ASTN2: variants seen among roughly 807,000 people sequenced by gnomAD.
ASTN2 encodes the protein astrotactin 2.
Under a neutral mutation model 139.8 loss-of-function variants are expected in ASTN2, and 54 were observed. The ratio of observed to expected loss-of-function variants is 0.39; its 90% CI spans 0.31 to 0.48. ASTN2 has a LOEUF of 0.48. Among genes scored for constraint, ASTN2 ranks in the 20% least tolerant of loss-of-function variants. The probability of loss-of-function intolerance (pLI) is 0.95; values close to 1 mark genes in which losing one functional copy is unlikely to be tolerated. For synonymous variants in ASTN2, 756 were observed against 719.5 expected (o/e 1.05, Z -0.81); for missense variants, 1,565 against 1,725.1 (o/e 0.91, Z 1.64).
At chr9:116,528,400 C>A (rs544926901) in intron 19 of ASTN2, among the ~76,000 whole-genome samples, 1 of 152,130 alleles carries the variant, frequency 6.6e-6, no homozygotes, top group Non-Finnish European at 1.5e-5. Context: ...CAAGAAATGA[C>A]CTGACTTTTT....
intron 10 of ASTN2, among the ~76,000 whole-genome samples, chr9:116,877,054 C>T (rs1333391817): frequency 6.6e-6 from 1 of 152,148 alleles, no homozygotes; most frequent in South Asian, 2.1e-4. Flanking sequence ...AAATTGTAAA[C>T]CAAACCTATC....
intron 2 of ASTN2, among the ~76,000 whole-genome samples, chr9:117,242,942 C>A (rs1359431485): frequency 1.3e-5 from 2 of 152,204 alleles, no homozygotes; most frequent in African/African-American, 4.8e-5. Context: ...TTCATTTATT[C>A]ATTCATTCAA....
At chr9:117,074,627 G>T (rs563906702) in intron 5 of ASTN2, among the ~76,000 whole-genome samples, 1 of 152,304 alleles carries the variant, frequency 6.6e-6, no homozygotes, top group South Asian at 2.1e-4. Flanking sequence ...AGCAGAAGTG[G>T]CAATCGTTGG....
chr9:116,625,026 G>A (rs1484623431), intron 17 of ASTN2, among the ~76,000 whole-genome samples: 4 of 152,184 alleles, frequency 2.6e-5, no homozygotes, highest in Admixed American at 6.5e-5. Flanking sequence ...GAAAATGTGT[G>A]TGCATGTTTG....
At chr9:116,859,459 A>G (rs925958704) in intron 11 of ASTN2, among the ~76,000 whole-genome samples, 3 of 152,202 alleles carry the variant, frequency 2.0e-5, no homozygotes, top group African/African-American at 7.2e-5. Context: ...TGAGGTCTAG[A>G]AGGTAGAGCT....
intron 7 of ASTN2, among the ~76,000 whole-genome samples, chr9:116,997,171 A>T (rs1564376440): frequency 6.6e-6 from 1 of 152,172 alleles, no homozygotes; most frequent in Non-Finnish European, 1.5e-5. Context: ...AAAAGTTTTC[A>T]TAGTCTCTTT....
At chr9:117,223,543 C>T (rs573587863) in intron 2 of ASTN2, among the ~76,000 whole-genome samples, 32 of 152,012 alleles carry the variant, frequency 2.1e-4, no homozygotes, top group Non-Finnish European at 4.7e-4. Flanking sequence ...ACTGAGGTCT[C>T]GATTCTGTCA....
At position 116,428,269 on chromosome 9, in the gene ASTN2, T is replaced by C. The variant is rs139056658; in HGVS notation, c.3783-2181A>G. ...GGCCGGGCACGGCGGCTCATGCCTG[T>C]AATCCCAGCACTTTAGGAGGCCAAG... On this transcript the variant is annotated intron_variant, in intron 22 of 22. Transcript: ENST00000313400. 4.4e-3 allele frequency among the ~76,000 whole-genome samples: 674 copies of C among 152,326 alleles called. 5 individuals carry two copies. The highest frequency in any genetic ancestry group is 8.0e-3 in the Non-Finnish European group (541 of 68,024).
chr9:116,508,046 G>A (rs1412964937), intron 19 of ASTN2, among the ~76,000 whole-genome samples: 1 of 152,060 alleles, frequency 6.6e-6, no homozygotes, highest in Non-Finnish European at 1.5e-5. Context: ...ATGCCACCAT[G>A]CCCGGCTAAT....
intron 10 of ASTN2, among the ~76,000 whole-genome samples, chr9:116,944,045 C>G (rs1835309480): frequency 6.6e-6 from 1 of 151,736 alleles, no homozygotes; most frequent in African/African-American, 2.4e-5. Flanking sequence ...TACCATGTGC[C>G]AGGTACTGTT....
intron 2 of ASTN2, among the ~76,000 whole-genome samples, chr9:117,288,878 C>T (rs1834514288): frequency 6.6e-6 from 1 of 152,218 alleles, no homozygotes; most frequent in African/African-American, 2.4e-5. Context: ...AGTTTTTCAA[C>T]TAAACTGCCC....
At chr9:117,024,855 T>TA (rs1256766968) in intron 6 of ASTN2, among the ~76,000 whole-genome samples, 2 of 151,356 alleles carry the variant, frequency 1.3e-5, no homozygotes, top group Non-Finnish European at 2.9e-5. Context: ...TGGTGGGAGA[T>TA]AATTGAATTA....
At chr9:117,115,751 C>T (rs557120428) in intron 4 of ASTN2, among the ~76,000 whole-genome samples, 15 of 150,188 alleles carry the variant, frequency 1.0e-4, no homozygotes, top group East Asian at 2.0e-4. Context: ...GCTGGCCGGG[C>T]GCGGTGGCTC....
chr9:116,851,312 A>T (rs1832594376), intron 11 of ASTN2, among the ~76,000 whole-genome samples: 1 of 152,178 alleles, frequency 6.6e-6, no homozygotes, highest in Admixed American at 6.5e-5. Context: ...AAATGGAGGC[A>T]TGGTGGGTGT....
intron 13 of ASTN2, among the ~76,000 whole-genome samples, chr9:116,776,198 A>G (rs562754410): frequency 4.6e-5 from 7 of 151,970 alleles, no homozygotes; most frequent in Non-Finnish European, 8.8e-5. Context: ...TTTGTATTCT[A>G]TGTGATCTTT....
chr9:116,803,522 ATTTTT>A lies in ASTN2; in HGVS notation c.2396+2105_2396+2109del, dbSNP rs1158429877. The stretch of plus-strand genomic sequence containing the variant: ...TATATATATATATATATATATATAT[ATTTTT>A]TTTTTTTTTTTTTTTTAGACGGAGT... On this transcript the variant is annotated intron_variant, in intron 13 of 22. Coordinates refer to ENST00000313400, the MANE Select transcript of ASTN2 (RefSeq NM_001365068.1). 9.1e-3 allele frequency among the ~76,000 whole-genome samples: 190 copies of A among 20,834 alleles called. 2 individuals carry two copies. The highest frequency in any genetic ancestry group is 0.031 in the Middle Eastern group (1 of 32). 13.7% of individuals were successfully genotyped at this position (20,834 alleles called of 152,430 possible).
At chr9:117,327,929 G>A (rs546389548) in intron 1 of ASTN2, among the ~76,000 whole-genome samples, 89 of 152,248 alleles carry the variant, frequency 5.8e-4, no homozygotes, top group Non-Finnish European at 6.2e-4. Context: ...AGAGTTTGGC[G>A]TCTAGTAAGT....
At chr9:116,462,787 C>CGTGTGTGT (rs1376062376) in intron 20 of ASTN2, among the ~76,000 whole-genome samples, 1,883 of 97,600 alleles carry the variant, frequency 0.019, 44 homozygotes, top group African/African-American at 0.062. Context: ...GTTGGGTGAG[C>CGTGTGTGT]ATGTGTGTGT....
At chr9:116,809,748 G>T (rs187811665) in intron 12 of ASTN2, among the ~76,000 whole-genome samples, 13 of 151,860 alleles carry the variant, frequency 8.6e-5, no homozygotes, top group African/African-American at 3.1e-4. Context: ...CTCTGTGCTG[G>T]GCGCTTCTGA....
Sources: allele counts gnomAD v4.1 joint callset (sites outside exome capture counted in the v4.1 genomes callset), GRCh38; gene constraint gnomAD v4.1.1; transcripts MANE v1.5; gene names NCBI Gene and HGNC (gene_info 2026-07-23, HGNC 2026-07-21).